Variants in CSNK1G2 observed in about 807,000 individuals in gnomAD.
CSNK1G2 encodes the protein casein kinase 1 gamma 2.
Under a neutral mutation model 48.0 loss-of-function variants are expected in CSNK1G2, and 11 were observed. The ratio of observed to expected loss-of-function variants is 0.23; its 90% CI spans 0.14 to 0.38. The LOEUF is 0.38. Ranked by LOEUF, CSNK1G2 falls within the 10% of genes least tolerant of loss-of-function variation. The pLI, the probability that CSNK1G2 is intolerant of heterozygous loss-of-function variation, is 1.00. For synonymous variants in CSNK1G2, 337 were observed against 254.1 expected, an observed-to-expected ratio of 1.33 and a Z score of -3.10; for missense variants, 446 against 595.5, an observed-to-expected ratio of 0.75 and a Z score of 2.61.
At chr19:1,952,240 T>C (rs1212514669) in intron 1 of CSNK1G2, among the ~76,000 whole-genome samples, 1 of 151,910 alleles carries the variant, frequency 6.6e-6, no homozygotes, top group Admixed American at 6.6e-5. Flanking sequence ...CAGAAGCTAG[T>C]GCGCCGATAG....
intron 1 of CSNK1G2, among the ~76,000 whole-genome samples, chr19:1,951,838 A>C (rs1297806521): frequency 6.6e-6 from 1 of 151,004 alleles, no homozygotes; most frequent in East Asian, 2.0e-4. Flanking sequence ...CCGCCACCAC[A>C]GCTGGCTAAT....
Position 1,979,979 on chromosome 19 carries a change from C to T in CSNK1G2, c.1155C>T (p.Ile385=), listed in dbSNP as rs948047401. 1 of 1,590,198 alleles carries T rather than the reference C, an allele frequency of 6.3e-7. No homozygotes were observed. The highest frequency in any genetic ancestry group is 1.7e-5 in the Admixed American group (1 of 57,770). ...DPTAGHSNAP[I]TAPAEVEVAD... ...CGGCCGGCCACTCCAACGCCCCGATCACAGCGCCTGCAGAGGTGGAGGTGG... is the reference window on the plus strand; with the variant it reads ...CGGCCGGCCACTCCAACGCCCCGATTACAGCGCCTGCAGAGGTGGAGGTGG... The change falls in exon 11 of 12, where the codon ATC becomes ATT. Residue 385 remains isoleucine (I), a synonymous_variant. Coordinates refer to ENST00000255641, the MANE Select transcript of CSNK1G2 (RefSeq NM_001319.7).
chr19:1,962,901 G>C (rs1298142652), intron 1 of CSNK1G2, among the ~76,000 whole-genome samples: 1 of 152,212 alleles, frequency 6.6e-6, no homozygotes, highest in Non-Finnish European at 1.5e-5. Context: ...GTGGACTCCA[G>C]CAGCCGGACG....
At chr19:1,972,988 C>T (rs1045832979) in intron 2 of CSNK1G2, among the ~76,000 whole-genome samples, 2 of 147,832 alleles carry the variant, frequency 1.4e-5, no homozygotes, top group African/African-American at 2.5e-5. Context: ...AGTGCAGTGG[C>T]GTAACCTCAG....
At chr19:1,948,178 C>G (rs544640552) in intron 1 of CSNK1G2, among the ~76,000 whole-genome samples, 1 of 152,226 alleles carries the variant, frequency 6.6e-6, no homozygotes, top group Non-Finnish European at 1.5e-5. Context: ...CTGTCCCTCC[C>G]CCTCTCATCC....
intron 1 of CSNK1G2, among the ~76,000 whole-genome samples, chr19:1,956,833 G>C (rs1310758000): frequency 1.3e-5 from 2 of 152,232 alleles, no homozygotes; most frequent in Non-Finnish European, 2.9e-5. Flanking sequence ...GGACACCCCA[G>C]AGAGCCCCAG....
intron 1 of CSNK1G2, among the ~76,000 whole-genome samples, chr19:1,968,461 G>A (rs937017401): frequency 1.3e-5 from 2 of 152,184 alleles, no homozygotes; most frequent in Non-Finnish European, 2.9e-5. Flanking sequence ...GCCAGCCGGG[G>A]CTGGCTGGCC....
intron 1 of CSNK1G2, among the ~76,000 whole-genome samples, chr19:1,966,066 C>T (rs1218069143): frequency 1.3e-5 from 2 of 152,196 alleles, no homozygotes; most frequent in East Asian, 1.9e-4. Context: ...CCCAAAGTGT[C>T]GGGGTTACAG....
At chr19:1,966,581 G>C (rs145268627) in intron 1 of CSNK1G2, among the ~76,000 whole-genome samples, 1 of 152,148 alleles carries the variant, frequency 6.6e-6, no homozygotes, top group Non-Finnish European at 1.5e-5. Flanking sequence ...TGATGAAGCC[G>C]CGGCCGGGTT....
chr19:1,963,793 C>T (rs1238535450), intron 1 of CSNK1G2, among the ~76,000 whole-genome samples: 1 of 150,766 alleles, frequency 6.6e-6, no homozygotes, highest in Admixed American at 6.7e-5. Context: ...CAGGTGTGAA[C>T]CACTGCGCCC....
rs1045069015 is a variant in CSNK1G2, at chr19:1,975,281, G to A, written c.188-3024G>A. 4.1e-6 allele frequency: 4 copies of A among 985,378 alleles called. No individual in the cohort carries two copies. The African/African-American group carries it at 7.0e-5, about 17-fold the overall frequency. 61.0% of individuals were successfully genotyped at this position (985,378 alleles called of 1,614,324 possible). ...CAGCTGGATGATACATCGACAGACAGCAGAGGGACGGTGTAGCACACAGGC... is the reference window on the plus strand; with the variant it reads ...CAGCTGGATGATACATCGACAGACAACAGAGGGACGGTGTAGCACACAGGC... On this transcript the variant is annotated intron_variant, in intron 2 of 11. Coordinates refer to ENST00000255641, the MANE Select transcript of CSNK1G2 (RefSeq NM_001319.7).
At chr19:1,973,328 A>G (rs964119219) in intron 2 of CSNK1G2, among the ~76,000 whole-genome samples, 3 of 151,350 alleles carry the variant, frequency 2.0e-5, no homozygotes, top group Admixed American at 1.3e-4. Context: ...GGTTCAAGCA[A>G]TTCTGCCTCA....
chr19:1,948,939 T>C (rs560257032), intron 1 of CSNK1G2, among the ~76,000 whole-genome samples: 1 of 152,272 alleles, frequency 6.6e-6, no homozygotes, highest in Admixed American at 6.5e-5. Flanking sequence ...AGAGAAACCC[T>C]GTTTGCTCTT....
chr19:1,960,417 G>C (rs529184524), intron 1 of CSNK1G2, among the ~76,000 whole-genome samples: 2 of 152,334 alleles, frequency 1.3e-5, no homozygotes, highest in East Asian at 3.9e-4. Context: ...AGGCAGTGTG[G>C]CGCGAGCAGG....
chr19:1,964,110 C>T (rs1483926564), intron 1 of CSNK1G2, among the ~76,000 whole-genome samples: 2 of 152,066 alleles, frequency 1.3e-5, no homozygotes, highest in African/African-American at 2.4e-5. Context: ...AGGCATGAGC[C>T]ACCGCTCCTG....
At chr19:1,946,289 T>TATTTATTAATTTA (rs56098852) in intron 1 of CSNK1G2, among the ~76,000 whole-genome samples, 1 of 143,806 alleles carries the variant, frequency 7.0e-6, no homozygotes, top group Non-Finnish European at 1.5e-5. Context: ...TTTATTTATT[T>TATTTATTAATTTA]TTTATTTATT....
chr19:1,979,059 G>C lies in CSNK1G2; in HGVS notation c.648G>C (p.Ala216=), dbSNP rs370181224. 17 of 1,597,596 alleles carry C rather than the reference G, an allele frequency of 1.1e-5. No individual in the cohort carries two copies. The African/African-American group carries it at 2.3e-4, about 21-fold the overall frequency. The change falls in exon 6 of 12, where the codon GCG becomes GCC. Residue 216 remains alanine (A), a synonymous_variant. Coordinates refer to ENST00000255641, the MANE Select transcript of CSNK1G2 (RefSeq NM_001319.7). The part of the protein sequence containing the change: ...YREHKSLTGT[A]RYMSINTHLG... ...AGCACAAGAGCCTGACGGGCACGGC[G>C]CGCTACATGAGCATCAACACGCACC... is the stretch of plus-strand genomic sequence containing the variant.
At chr19:1,952,828 G>T in intron 1 of CSNK1G2, 1 of 336,270 alleles carries the variant, frequency 3.0e-6, no homozygotes, top group Non-Finnish European at 5.9e-6. Flanking sequence ...TCCCCGGGGA[G>T]TTAGGCCGAA....
rs191929294 is a variant in CSNK1G2, at chr19:1,975,710, T to C, written c.188-2595T>C. ...GGGGCAGTGTCCTGAGCTCTAAAAC[T>C]TCAAACCTGGGGCAGTGTCCTGAGC... On this transcript the variant is annotated intron_variant, in intron 2 of 11. Coordinates refer to ENST00000255641, the MANE Select transcript of CSNK1G2 (RefSeq NM_001319.7). The C allele has an allele frequency of 8.1e-6, 8 of 982,466 alleles. No homozygotes were observed. The African/African-American group carries it at 1.4e-4, about 17-fold the overall frequency. 60.9% of individuals were successfully genotyped at this position (982,466 alleles called of 1,614,324 possible). A position where few individuals can be genotyped will look rare whatever the true frequency, so the allele number is the denominator to read the frequency against.
Sources: allele counts gnomAD v4.1 joint callset (sites outside exome capture counted in the v4.1 genomes callset), GRCh38; gene constraint gnomAD v4.1.1; transcripts MANE v1.5; gene names NCBI Gene and HGNC (gene_info 2026-07-23, HGNC 2026-07-21).